Variants in TENM2 observed in about 807,000 individuals in gnomAD.
The protein encoded by TENM2 is teneurin-2.
Under a neutral mutation model 245.2 loss-of-function variants are expected in TENM2, and 52 were observed. The ratio of observed to expected loss-of-function variants is 0.21; its 90% CI spans 0.17 to 0.27. The LOEUF is 0.27. Ranked by LOEUF, TENM2 falls within the 10% of genes least tolerant of loss-of-function variation. The pLI is 1.00. For synonymous variants in TENM2, 1,363 were observed against 1,438.9 expected (o/e 0.95, Z 1.19); for missense variants, 3,046 against 3,666.8 (o/e 0.83, Z 4.37).
chr5:167,609,656 G>A (rs931555255), intron 2 of TENM2, among the ~76,000 whole-genome samples: 23 of 152,060 alleles, frequency 1.5e-4, no homozygotes, highest in African/African-American at 2.4e-4. Context: ...TAGGGCACAC[G>A]AAGGGGATTG....
intron 2 of TENM2, among the ~76,000 whole-genome samples, chr5:167,872,353 A>AGAAAGAAG: frequency 7.3e-6 from 1 of 136,652 alleles, no homozygotes; most frequent in South Asian, 2.4e-4. Context: ...AAAGAAAGAA[A>AGAAAGAAG]GGAAAGAGAA....
intron 3 of TENM2, among the ~76,000 whole-genome samples, chr5:167,904,670 C>A (rs1005726463): frequency 6.6e-6 from 1 of 152,038 alleles, no homozygotes; most frequent in Non-Finnish European, 1.5e-5. Flanking sequence ...TTTCTCATTT[C>A]CCCCTGTGTC....
At chr5:167,038,560 T>C in the TENM2 span, among the ~76,000 whole-genome samples, 1 of 152,316 alleles carries the variant, frequency 6.6e-6, no homozygotes, top group East Asian at 1.9e-4. Context: ...TTTTGTTAAC[T>C]AAAAGTCATT....
intron 2 of TENM2, among the ~76,000 whole-genome samples, chr5:167,851,925 T>A (rs1770620571): frequency 6.6e-6 from 1 of 152,238 alleles, no homozygotes; most frequent in Non-Finnish European, 1.5e-5. Flanking sequence ...TATAATTTTT[T>A]TAAAGGAAGA....
intron 12 of TENM2, among the ~76,000 whole-genome samples, chr5:168,157,899 G>T (rs1757325569): frequency 6.6e-6 from 1 of 152,076 alleles, no homozygotes; most frequent in South Asian, 2.1e-4. Flanking sequence ...AAGGGTGTGG[G>T]TTGTTGTTTG....
chr5:167,426,845 AT>A (rs1027810444), intron 2 of TENM2, among the ~76,000 whole-genome samples: 2 of 152,098 alleles, frequency 1.3e-5, no homozygotes, highest in African/African-American at 4.8e-5. Context: ...TATGCTCTAC[AT>A]TTTTTTCAAT....
chr5:167,671,989 C>T (rs1267907543), intron 2 of TENM2, among the ~76,000 whole-genome samples: 1 of 151,988 alleles, frequency 6.6e-6, no homozygotes, highest in African/African-American at 2.4e-5. Context: ...CTCACTTAAT[C>T]CTCACAACAA....
At chr5:167,917,457 A>G (rs1471998811) in intron 3 of TENM2, among the ~76,000 whole-genome samples, 1 of 151,992 alleles carries the variant, frequency 6.6e-6, no homozygotes, top group African/African-American at 2.4e-5. Flanking sequence ...GGGAGTTTTT[A>G]AAATAATAGT....
intron 2 of TENM2, among the ~76,000 whole-genome samples, chr5:167,758,728 T>A: frequency 6.6e-6 from 1 of 152,118 alleles, no homozygotes; most frequent in Non-Finnish European, 1.5e-5. Context: ...GTGAAAAAAT[T>A]CGCTGATTTT....
At chr5:167,741,745 A>G (rs1761189723) in intron 2 of TENM2, among the ~76,000 whole-genome samples, 1 of 152,208 alleles carries the variant, frequency 6.6e-6, no homozygotes, top group Non-Finnish European at 1.5e-5. Flanking sequence ...CTTCTCAAGA[A>G]GAAAAAAATC....
chr5:167,855,645 T>G (rs1376102755), intron 2 of TENM2, among the ~76,000 whole-genome samples: 7 of 116,038 alleles, frequency 6.0e-5, no homozygotes, highest in Non-Finnish European at 1.1e-4. Flanking sequence ...GTCAAAAATA[T>G]GGAAGGAGGA....
chr5:168,004,888 G>T (rs757854192), intron 5 of TENM2, among the ~76,000 whole-genome samples: 1 of 151,820 alleles, frequency 6.6e-6, no homozygotes, highest in South Asian at 2.1e-4. Context: ...TTCATTTTAG[G>T]CTTTTAAAAA....
At chr5:167,076,755 T>C in the TENM2 span, among the ~76,000 whole-genome samples, 1 of 152,192 alleles carries the variant, frequency 6.6e-6, no homozygotes, top group Non-Finnish European at 1.5e-5. Flanking sequence ...CACTGAGCTC[T>C]TTTATCCTTT....
chr5:167,933,918 G>A (rs937939539), intron 3 of TENM2, among the ~76,000 whole-genome samples: 1 of 152,150 alleles, frequency 6.6e-6, no homozygotes, highest in Non-Finnish European at 1.5e-5. Flanking sequence ...CAAAAAATTA[G>A]CAATTGTTAT....
rs74550042 is a variant in TENM2, at chr5:168,168,845, G to A, written c.2569+6088G>A. ...TTCTCTGTCATTAGGGTATGAATTC[G>A]TCTATCCACTCATCCATCCATCCAT... On this transcript the variant is annotated intron_variant, in intron 13 of 28. Transcript: ENST00000518659. Among the ~76,000 whole-genome samples, 518 of 152,120 alleles carry A rather than the reference G, an allele frequency of 3.4e-3. 1 individual carries two copies. The highest frequency in any genetic ancestry group is 5.9e-3 in the Non-Finnish European group (400 of 67,998).
chr5:167,537,592 G>A (rs2127599924), intron 2 of TENM2, among the ~76,000 whole-genome samples: 1 of 152,314 alleles, frequency 6.6e-6, no homozygotes, highest in African/African-American at 2.4e-5. Flanking sequence ...TTGTTCTTTT[G>A]TTCTCAAAAC....
At chr5:168,217,715 G>A (rs1763321757) in intron 22 of TENM2, among the ~76,000 whole-genome samples, 1 of 152,190 alleles carries the variant, frequency 6.6e-6, no homozygotes, top group African/African-American at 2.4e-5. Context: ...TTAGATACAG[G>A]TGCCGCCTCT....
At chr5:167,622,878 CCTT>C (rs1226525139) in intron 2 of TENM2, among the ~76,000 whole-genome samples, 1 of 152,100 alleles carries the variant, frequency 6.6e-6, no homozygotes, top group Admixed American at 6.6e-5. Context: ...TCTGATAATT[CCTT>C]CTTCCACGGT....
At chr5:167,527,786 A>G (rs1771220246) in intron 2 of TENM2, among the ~76,000 whole-genome samples, 1 of 152,154 alleles carries the variant, frequency 6.6e-6, no homozygotes, top group Non-Finnish European at 1.5e-5. Context: ...TGCTTATTGG[A>G]TGAAGGTTTA....
Sources: gnomAD v4.1 joint callset for allele counts (sites outside exome capture counted in the v4.1 genomes callset) on GRCh38, gnomAD v4.1.1 for gene constraint, MANE v1.5 for transcripts, NCBI Gene and HGNC (gene_info 2026-07-23, HGNC 2026-07-21) for gene names.